The following MDGA2 variants were observed in gnomAD, a reference collection of about 807,000 sequenced individuals.
The protein encoded by MDGA2 is MAM domain containing glycosylphosphatidylinositol anchor 2.
In MDGA2, 40 loss-of-function variants were observed where a neutral mutation model predicts 117.8. The observed-to-expected ratio is 0.34, with a 90% CI of 0.26 to 0.44. The LOEUF is 0.44. Ranked by LOEUF, MDGA2 falls within the 20% of genes least tolerant of loss-of-function variation. MDGA2 has a pLI of 1.00. For synonymous variants in MDGA2, 452 were observed against 439.0 expected, an observed-to-expected ratio of 1.03 and a Z score of -0.37; for missense variants, 1,123 against 1,250.6, an observed-to-expected ratio of 0.90 and a Z score of 1.54.
At chr14:47,661,951 G>T (rs117971924) in intron 1 of MDGA2, among the ~76,000 whole-genome samples, 6,846 of 152,006 alleles carry the variant, frequency 0.045, 141 homozygotes, top group Middle Eastern at 0.069. Context: ...TGGGCAGGCT[G>T]GTCTCGAGCT....
chr14:47,191,045 G>C (rs564729490), intron 3 of MDGA2, among the ~76,000 whole-genome samples: 1 of 152,028 alleles, frequency 6.6e-6, no homozygotes, highest in African/African-American at 2.4e-5. Flanking sequence ...TTAGATTTAG[G>C]GAAGGATAGT....
chr14:47,003,910 T>C (rs1224253978), intron 8 of MDGA2, among the ~76,000 whole-genome samples: 1 of 151,912 alleles, frequency 6.6e-6, no homozygotes, highest in East Asian at 1.9e-4. Context: ...ATTTCTTAGA[T>C]ACAATGCCCA....
chr14:47,093,941 T>G (rs780912491), intron 6 of MDGA2, among the ~76,000 whole-genome samples: 1 of 152,096 alleles, frequency 6.6e-6, no homozygotes, highest in Non-Finnish European at 1.5e-5. Context: ...AACCTAGATT[T>G]CTATATCTAC....
At chr14:46,845,932 T>C in intron 15 of MDGA2, 61 bp from the exon 16 acceptor site, 1 of 1,234,282 alleles carries the variant, frequency 8.1e-7, no homozygotes, top group Non-Finnish European at 1.2e-6. Context: ...CAGTTTCTCT[T>C]GAGAAATCAA....
intron 1 of MDGA2, among the ~76,000 whole-genome samples, chr14:47,644,123 C>T (rs763519761): frequency 6.6e-6 from 1 of 152,108 alleles, no homozygotes; most frequent in Non-Finnish European, 1.5e-5. Flanking sequence ...ATACTAGAAT[C>T]TGGCTGTGGT....
In MDGA2 at chr14:47,595,360, C is replaced by T. The variant is rs1402332069; in HGVS notation, c.280+79157G>A. Among the ~76,000 whole-genome samples the T allele has an allele frequency of 3.3e-5, 5 of 151,860 alleles. No homozygotes were observed. In the East Asian group the frequency reaches 9.7e-4, roughly 30 times the overall value. ...GATCAGCGTGGCCAATTTGGCGAAA[C>T]CCCTTTTCTACTAAAAATACAAAAA... On this transcript the variant is annotated intron_variant, in intron 1 of 16. Coordinates refer to ENST00000399232, the MANE Select transcript of MDGA2 (RefSeq NM_001113498.3).
rs188042352 is a variant in MDGA2 at position 47,327,333 on chromosome 14, G to A, written c.281-25783C>T. Among the ~76,000 whole-genome samples, 120 of 152,250 alleles carry A rather than the reference G, an allele frequency of 7.9e-4. 1 individual carries two copies. Among genetic ancestry groups the A allele is most frequent in the African/African-American group, 2.7e-3 (113 of 41,554 alleles). Reference sequence around the variant, plus strand: ...GAGAGTGAGTATGGAAGCACCAATCGGAAACATCCAGCGCATTTGTGTGCC... The same window carrying A: ...GAGAGTGAGTATGGAAGCACCAATCAGAAACATCCAGCGCATTTGTGTGCC... On this transcript the variant is annotated intron_variant, in intron 1 of 16. Coordinates refer to ENST00000399232, the MANE Select transcript of MDGA2 (RefSeq NM_001113498.3).
chr14:47,076,020 C>CACAAAA lies in MDGA2; in HGVS notation c.1196-14443_1196-14442insTTTTGT, dbSNP rs1890478308. On this transcript the variant is annotated intron_variant, in intron 6 of 16. Coordinates refer to ENST00000399232, the MANE Select transcript of MDGA2 (RefSeq NM_001113498.3). The stretch of plus-strand genomic sequence containing the variant: ...AGTATCGAATACTCACAAAAAAACC[C>CACAAAA]AAAGAATAACTAACAAATAAAACTA... Among the ~76,000 whole-genome samples, 10 of 151,988 alleles carry CACAAAA rather than the reference C, an allele frequency of 6.6e-5. No individual in the cohort carries two copies. In the South Asian group the frequency reaches 2.1e-3, roughly 32 times the overall value.
At chr14:46,919,058 G>A (rs1331528314) in intron 10 of MDGA2, among the ~76,000 whole-genome samples, 1 of 152,038 alleles carries the variant, frequency 6.6e-6, no homozygotes, top group Non-Finnish European at 1.5e-5. Context: ...CACCGCGCCC[G>A]GCCACAGTGT....
intron 1 of MDGA2, among the ~76,000 whole-genome samples, chr14:47,643,976 GTC>G (rs1897476923): frequency 6.6e-6 from 1 of 152,130 alleles, no homozygotes. Flanking sequence ...ACATTAAAAG[GTC>G]ATTCAGTGGA....
rs746517997 is a variant in MDGA2, at chr14:46,855,115, G to A, written c.2792C>T (p.Thr931Ile). ...TGAAGACCACAGTGGATTCTCTATT[G>A]TTGTTTGCCCTTTCAAACGTAGATA... ...NVYLRLKGQT[T>I]IENPLWSSSG... The change falls in exon 15 of 17, where the codon ACA becomes ATA. Residue 931 changes from threonine (T) to isoleucine (I), a missense_variant. This residue lies in a region of MDGA2 where 890 missense variants were observed against 1,050.3 expected (regional missense o/e 0.85). Transcript: ENST00000399232. The surrounding 1 kb of genome is among the most constrained non-coding windows in gnomAD (Gnocchi z 4.1). 1.1e-5 allele frequency: 18 copies of A among 1,609,874 alleles called. No individual in the cohort carries two copies. The South Asian group carries it at 2.0e-4, about 18-fold the overall frequency.
intron 8 of MDGA2, among the ~76,000 whole-genome samples, chr14:47,029,551 G>A (rs890422393): frequency 2.0e-5 from 3 of 152,052 alleles, no homozygotes; most frequent in Admixed American, 1.3e-4. Context: ...TCTACATGGT[G>A]GAGATTTAAC....
intron 5 of MDGA2, among the ~76,000 whole-genome samples, chr14:47,098,110 T>C (rs558985766): frequency 9.9e-5 from 15 of 152,042 alleles, no homozygotes; most frequent in African/African-American, 3.6e-4. Flanking sequence ...TAGAGCTGTA[T>C]TATATGAAAT....
chr14:47,513,838 A>C (rs1235629483), intron 1 of MDGA2, among the ~76,000 whole-genome samples: 1 of 152,180 alleles, frequency 6.6e-6, no homozygotes, highest in Non-Finnish European at 1.5e-5. Context: ...TAAGTAACTC[A>C]CATATGAATC....
At chr14:46,890,601 T>C (rs1882843695) in intron 10 of MDGA2, among the ~76,000 whole-genome samples, 1 of 152,112 alleles carries the variant, frequency 6.6e-6, no homozygotes, top group Admixed American at 6.6e-5. Context: ...CAGTCTTTCA[T>C]GCAGTTTAGC....
At chr14:47,023,205 A>AAAAAAAAAAGAAAAAAAAAAAAAAAAAAG (rs750411553) in intron 8 of MDGA2, among the ~76,000 whole-genome samples, 3 of 146,430 alleles carry the variant, frequency 2.0e-5, no homozygotes, top group Non-Finnish European at 3.0e-5. Context: ...TCGTAAAAAA[A>AAAAAAAAAAGAAAAAAAAAAAAAAAAAAG]AAAAAAAAAA....
chr14:47,225,380 T>C (rs1443275661), intron 2 of MDGA2, among the ~76,000 whole-genome samples: 1 of 151,710 alleles, frequency 6.6e-6, no homozygotes, highest in East Asian at 1.9e-4. Context: ...ATTGCGGCAC[T>C]ATTCACAATA....
chr14:47,007,160 C>G (rs1277827551), intron 8 of MDGA2, among the ~76,000 whole-genome samples: 1 of 151,778 alleles, frequency 6.6e-6, no homozygotes, highest in Non-Finnish European at 1.5e-5. Context: ...GTGGTTTAAT[C>G]TCCACTTCTG....
intron 3 of MDGA2, among the ~76,000 whole-genome samples, chr14:47,171,046 A>G (rs906203369): frequency 5.3e-5 from 8 of 152,212 alleles, no homozygotes; most frequent in Non-Finnish European, 1.2e-4. Flanking sequence ...TCAAATATAC[A>G]TTTGAAAAAG....
Sources: gnomAD v4.1 joint callset for allele counts (sites outside exome capture counted in the v4.1 genomes callset) on GRCh38, gnomAD v4.1.1 for gene constraint, gnomAD v4.1.1 regional missense constraint, Gnocchi (gnomAD v3.1) non-coding constraint, MANE v1.5 for transcripts, NCBI Gene and HGNC (gene_info 2026-07-23, HGNC 2026-07-21) for gene names.